Variants in MTF2 observed in about 807,000 individuals in gnomAD.
MTF2 encodes the protein metal-response element-binding transcription factor 2.
In MTF2, 11 loss-of-function variants were observed where a neutral mutation model predicts 79.5. The ratio of observed to expected loss-of-function variants is 0.14; its 90% confidence interval spans 0.09 to 0.23. The LOEUF (loss-of-function observed/expected upper bound fraction) is 0.23. Among genes scored for constraint, MTF2 ranks in the 10% least tolerant of loss-of-function variants. The pLI, the probability that MTF2 is intolerant of heterozygous loss-of-function variation, is 1.00. For synonymous variants in MTF2, 208 were observed against 232.8 expected (o/e 0.89, Z 0.97); for missense variants, 486 against 711.2 (o/e 0.68, Z 3.60).
chr1:93,133,719 A>G lies in MTF2; in HGVS notation c.1177A>G (p.Ile393Val). 6.2e-7 allele frequency: 1 copy of G among 1,610,752 alleles called. No individual in the cohort carries two copies. Among genetic ancestry groups the G allele is most frequent in the East Asian group, 2.2e-5 (1 of 44,782 alleles). ...CCATTTCAGGGAAGTAAGCAATGGC[A>G]TAGAAAAAAAAGGAAAGAAAAAATC... The part of the protein sequence containing the change: ...ISDSREVSNG[I>V]EKKGKKKSVG... Residue 393 changes from isoleucine to valine, a missense_variant, in exon 12 of 15, where the codon ATA becomes GTA. Physicochemically the swap from Ile to Val is conservative, Grantham distance 29. This residue lies in a region of MTF2 where 209 missense variants were observed against 206.5 expected (regional missense o/e 1.01). Transcript: ENST00000370298.
At chr1:93,083,888 AT>A (rs980989903) in intron 1 of MTF2, among the ~76,000 whole-genome samples, 1 of 152,138 alleles carries the variant, frequency 6.6e-6, no homozygotes, top group Admixed American at 6.5e-5. Context: ...AGAACTGTCT[AT>A]TTAAGTCTTT....
intron 7 of MTF2, 132 bp downstream of exon 7, chr1:93,118,572 T>A: frequency 3.7e-6 from 2 of 540,342 alleles, no homozygotes; most frequent in South Asian, 3.4e-5. Context: ...GGGAAAATAT[T>A]AAATAATATA....
Position 93,115,479 on chromosome 1 carries a change from G to A in MTF2, c.493G>A (p.Ala165Thr). 6.3e-7 allele frequency: 1 copy of A among 1,595,650 alleles called. No homozygotes were observed. The highest frequency in any genetic ancestry group is 8.5e-7 in the Non-Finnish European group (1 of 1,171,836). ...TTTCCCTCTAATGTAGAGGGGTGGT[G>A]CACTTAAGAAAGGACCAAATGCCAA... is the stretch of plus-strand genomic sequence containing the variant. Reference protein sequence around the residue: ...VFATTTKRGGALKKGPNAKAL... With the variant: ...VFATTTKRGGTLKKGPNAKAL... The change falls in exon 6 of 15, where the codon GCA (alanine) becomes ACA (threonine). Residue 165 changes from alanine (A) to threonine (T), a missense_variant. By Grantham distance (58) the Ala-to-Thr change is moderately conservative (BLOSUM62 0). Around this residue, in one of 4 missense-constraint regions of MTF2, gnomAD observed 177 missense variants for 364.0 expected, o/e 0.49. Transcript: ENST00000370298.
At chr1:93,126,297 A>G (rs577201325) in intron 9 of MTF2, among the ~76,000 whole-genome samples, 5 of 152,068 alleles carry the variant, frequency 3.3e-5, no homozygotes, top group Non-Finnish European at 5.9e-5. Flanking sequence ...TAACCTTTAT[A>G]TTTGTTAACT....
chr1:93,096,346 C>T (rs1027677568), intron 1 of MTF2, among the ~76,000 whole-genome samples: 6 of 152,104 alleles, frequency 3.9e-5, no homozygotes, highest in Non-Finnish European at 5.9e-5. Context: ...GCCCCAAATA[C>T]GTATTATTAA....
intron 9 of MTF2, among the ~76,000 whole-genome samples, chr1:93,126,934 A>G (rs1175631760): frequency 3.3e-5 from 5 of 152,100 alleles, no homozygotes; most frequent in East Asian, 1.9e-4. Context: ...ATACAGTCCC[A>G]TTTTTGTGGT....
chr1:93,102,047 CTGAGATGAGG>C (rs1351014866), intron 1 of MTF2, among the ~76,000 whole-genome samples: 1 of 152,150 alleles, frequency 6.6e-6, no homozygotes, highest in Admixed American at 6.5e-5. Context: ...CAGTTTGAAT[CTGAGATGAGG>C]TGAGATGAGG....
At chr1:93,115,338 TCAGA>T in intron 5 of MTF2, 128 bp from the exon 6 acceptor site, 4 of 762,342 alleles carry the variant, frequency 5.2e-6, no homozygotes, top group Non-Finnish European at 8.1e-6. Flanking sequence ...TTATTATTAA[TCAGA>T]CAGTTTGTGA....
intron 1 of MTF2, among the ~76,000 whole-genome samples, chr1:93,084,066 C>T (rs1345988322): frequency 1.4e-5 from 2 of 146,434 alleles, no homozygotes; most frequent in African/African-American, 2.5e-5. Context: ...CAATTTATTC[C>T]TTTTTTTTTT....
chr1:93,123,385 C>A (rs375732501), intron 9 of MTF2, among the ~76,000 whole-genome samples: 5 of 151,124 alleles, frequency 3.3e-5, no homozygotes, highest in African/African-American at 1.2e-4. Flanking sequence ...TCTTGTTATA[C>A]GTAATATAGA....
chr1:93,134,274 T>A, intron 14 of MTF2, 79 bp downstream of exon 14: 1 of 1,073,182 alleles, frequency 9.3e-7, no homozygotes, highest in Non-Finnish European at 1.4e-6. Flanking sequence ...ATTGAATAAT[T>A]TTTTAGCAAT....
In MTF2 at chr1:93,130,675, G is replaced by C. The variant is rs187827702; in HGVS notation, c.1160+1227G>C. Among the ~76,000 whole-genome samples the C allele has an allele frequency of 2.2e-3, 341 of 152,314 alleles. 5 individuals carry two copies. The highest frequency in any genetic ancestry group is 9.0e-4 in the Non-Finnish European group (61 of 68,018). ...AATTAACACTCAATTGTCTAGGTGA[G>C]AGATAGATGATATGAGGGCTTGTGC... On this transcript the variant is annotated intron_variant, in intron 11 of 14. Transcript: ENST00000370298.
At position 93,121,792 on chromosome 1, in the gene MTF2, ATTTTTTTTT is replaced by A. The variant is rs71094231; in HGVS notation, c.921+1138_921+1146del. On this transcript the variant is annotated intron_variant, in intron 9 of 14. Transcript: ENST00000370298. ...AGAAAGTGAGTGATGTGTACATTTGATTTTTTTTTTTTTTTTTTTTTTTTTTGGAGACGG... is the reference window on the plus strand; with the variant it reads ...AGAAAGTGAGTGATGTGTACATTTGATTTTTTTTTTTTTTTTTGGAGACGG... 6.9e-5 allele frequency: 49 copies of A among 707,754 alleles called. 1 individual carries two copies. In the African/African-American group the frequency reaches 1.1e-3, roughly 15 times the overall value. 43.8% of individuals were successfully genotyped at this position (707,754 alleles called of 1,614,324 possible).
intron 1 of MTF2, among the ~76,000 whole-genome samples, chr1:93,084,707 T>C (rs1046535054): frequency 2.0e-5 from 3 of 152,286 alleles, no homozygotes; most frequent in East Asian, 1.9e-4. Flanking sequence ...ACTTCTTCTG[T>C]TAAATTTATT....
intron 1 of MTF2, among the ~76,000 whole-genome samples, chr1:93,082,221 A>G (rs917098702): frequency 1.3e-5 from 2 of 152,204 alleles, no homozygotes; most frequent in African/African-American, 4.8e-5. Context: ...GGAATATTTC[A>G]AACATAATAC....
At chr1:93,118,965 C>T (rs893780498) in intron 7 of MTF2, among the ~76,000 whole-genome samples, 3 of 152,234 alleles carry the variant, frequency 2.0e-5, no homozygotes, top group Admixed American at 2.0e-4. Flanking sequence ...TCACTTGTCT[C>T]TTTCGGGCTT....
intron 1 of MTF2, among the ~76,000 whole-genome samples, chr1:93,100,392 C>T (rs1314448156): frequency 6.6e-6 from 1 of 152,152 alleles, no homozygotes; most frequent in Non-Finnish European, 1.5e-5. Context: ...GCAACCTCCG[C>T]CTCCCAGGTT....
intron 1 of MTF2, among the ~76,000 whole-genome samples, chr1:93,090,628 G>T (rs1169946491): frequency 6.6e-6 from 1 of 151,678 alleles, no homozygotes; most frequent in Non-Finnish European, 1.5e-5. Flanking sequence ...TAGGATTGTT[G>T]GAATATGAAT....
chr1:93,131,957 A>G (rs1207628676), intron 11 of MTF2, among the ~76,000 whole-genome samples: 7 of 152,168 alleles, frequency 4.6e-5, no homozygotes. Context: ...CATTTTCTCG[A>G]TGAAATATAA....
Sources: gnomAD v4.1 joint callset for allele counts (sites outside exome capture counted in the v4.1 genomes callset) on GRCh38, gnomAD v4.1.1 for gene constraint, gnomAD v4.1.1 regional missense constraint, MANE v1.5 for transcripts, NCBI Gene and HGNC (gene_info 2026-07-23, HGNC 2026-07-21) for gene names.